The following SYTL2 variants were observed in gnomAD, a reference collection of about 807,000 sequenced individuals.
SYTL2 encodes the protein synaptotagmin like 2, also known as synaptotagmin-like protein 2.
A neutral mutation model predicts 198.7 loss-of-function variants in SYTL2; 165 were observed. The observed-to-expected ratio is 0.83, with a 90% CI of 0.73 to 0.94. SYTL2 has a LOEUF of 0.94. SYTL2 is among the 40% of genes least tolerant of loss of function. The pLI is 0.00. For synonymous variants in SYTL2, 966 were observed against 917.7 expected (o/e 1.05, Z -0.95); for missense variants, 2,835 against 2,582.8 (o/e 1.10, Z -2.12).
In SYTL2 at chr11:85,726,827, G is replaced by C; in HGVS notation, c.2531C>G (p.Thr844Arg). The change falls in exon 8 of 20, where the codon ACA (threonine) becomes AGA (arginine). Residue 844 changes from threonine to arginine, a missense_variant. Transcript: ENST00000359152. ...QGVSSMDSLS[T>R]DQSEYNQAIP... is the part of the protein sequence containing the mutation. The stretch of plus-strand genomic sequence containing the variant: ...GGCCTGATTATATTCACTCTGGTCT[G>C]TAGATAAACTGTCCATGGATGATAC... 1 of 1,536,412 alleles carries C rather than the reference G, an allele frequency of 6.5e-7. No homozygotes were observed. Among genetic ancestry groups the C allele is most frequent in the South Asian group, 1.2e-5 (1 of 84,060 alleles).
chr11:85,794,888 A>C (rs907209425), intron 1 of SYTL2, among the ~76,000 whole-genome samples: 1 of 152,006 alleles, frequency 6.6e-6, no homozygotes, highest in Non-Finnish European at 1.5e-5. Context: ...TTTCTAATAA[A>C]GAAAACCAAG....
chr11:85,738,411 T>C (rs2090524466), intron 4 of SYTL2, among the ~76,000 whole-genome samples: 1 of 152,138 alleles, frequency 6.6e-6, no homozygotes, highest in South Asian at 2.1e-4. Context: ...ACAGCCTGAT[T>C]ACATAGAGGC....
rs549380424 is a variant in SYTL2, at chr11:85,798,226, C to T, written c.-390+12728G>A. Among the ~76,000 whole-genome samples, 8 of 152,224 alleles carry T rather than the reference C, an allele frequency of 5.3e-5. No homozygotes were observed. In the South Asian group the frequency reaches 8.3e-4, roughly 16 times the overall value. On this transcript the variant is annotated intron_variant, in intron 1 of 19. Coordinates refer to ENST00000359152, the MANE Select transcript of SYTL2 (RefSeq NM_206927.4). ...CATTCCCTGTTCATTTTCAAACAAA[C>T]GGATCATCACAGCTTCTGACACTCT... is the stretch of plus-strand genomic sequence containing the variant.
intron 3 of SYTL2, among the ~76,000 whole-genome samples, chr11:85,746,541 A>T (rs762435361): frequency 6.6e-6 from 1 of 152,214 alleles, no homozygotes; most frequent in Non-Finnish European, 1.5e-5. Context: ...CAAAAAGTTC[A>T]AGAAACTTGC....
chr11:85,744,033 A>G (rs900602933), intron 4 of SYTL2, among the ~76,000 whole-genome samples: 3 of 152,118 alleles, frequency 2.0e-5, no homozygotes, highest in Non-Finnish European at 2.9e-5. Context: ...ACAATATTTT[A>G]GGTCTCATCT....
In SYTL2 at chr11:85,734,119, T is replaced by G; in HGVS notation, c.1210A>C (p.Lys404Gln). Residue 404 changes from lysine (K) to glutamine (Q), a missense_variant, in exon 7 of 20, where the codon AAA becomes CAA. Physicochemically the swap from Lys to Gln is moderately conservative, Grantham distance 53 (BLOSUM62 1). Transcript: ENST00000359152. ...HQSTSSPYVSKSETHQPMTSG... is the reference protein window; with the variant it reads ...HQSTSSPYVSQSETHQPMTSG... The stretch of plus-strand genomic sequence containing the variant: ...GTCATTGGCTGATGTGTTTCACTTT[T>G]TGATACATATGGGCTTGAGGTTGAT... 1 of 1,614,226 alleles carries G rather than the reference T, an allele frequency of 6.2e-7. No homozygotes were observed. Among genetic ancestry groups the G allele is most frequent in the Non-Finnish European group, 8.5e-7 (1 of 1,180,026 alleles).
chr11:85,791,209 T>C (rs1316183712), intron 1 of SYTL2, among the ~76,000 whole-genome samples: 1 of 94,828 alleles, frequency 1.1e-5, no homozygotes, highest in African/African-American at 3.9e-5. Flanking sequence ...CCTTAGTAAA[T>C]ATTCTGGCTC....
At chr11:85,704,067 T>C (rs1310365881) in intron 16 of SYTL2, among the ~76,000 whole-genome samples, 1 of 152,104 alleles carries the variant, frequency 6.6e-6, no homozygotes, top group Non-Finnish European at 1.5e-5. Flanking sequence ...TCAATATTTA[T>C]ATTAAGTGCA....
the SYTL2 span, among the ~76,000 whole-genome samples, chr11:85,818,190 A>C: frequency 6.6e-6 from 1 of 152,134 alleles, no homozygotes; most frequent in Non-Finnish European, 1.5e-5. Flanking sequence ...GGCGTGAGCC[A>C]CCGTGCCTGG....
chr11:85,802,097 G>T (rs919273123), intron 1 of SYTL2, among the ~76,000 whole-genome samples: 1 of 150,892 alleles, frequency 6.6e-6, no homozygotes, highest in African/African-American at 2.4e-5. Flanking sequence ...TACAGGCATG[G>T]GCCACCGTGC....
intron 17 of SYTL2, among the ~76,000 whole-genome samples, chr11:85,699,591 A>G (rs1310800348): frequency 6.6e-6 from 1 of 152,138 alleles, no homozygotes; most frequent in African/African-American, 2.4e-5. Flanking sequence ...GGGGCGGTAT[A>G]AACTACATCA....
In SYTL2 at chr11:85,726,510, G is replaced by A. The variant is rs779502881; in HGVS notation, c.2848C>T (p.Pro950Ser). The change falls in exon 8 of 20, where the codon CCT becomes TCT. Residue 950 changes from proline to serine, a missense_variant. This residue lies in a region of SYTL2 where 2,645 missense variants were observed against 2,381.7 expected (regional missense o/e 1.11). Transcript: ENST00000359152. Reference sequence around the variant, plus strand: ...TTGGCATTTGATTCACGAACTAGAGGTCTGTCTTTCTCCAATGGAGCATGT... The same window carrying A: ...TTGGCATTTGATTCACGAACTAGAGATCTGTCTTTCTCCAATGGAGCATGT... ...ERHAPLEKDR[P>S]LVRESNANFK... 1.2e-6 allele frequency: 2 copies of A among 1,605,564 alleles called. No individual in the cohort carries two copies. The highest frequency in any genetic ancestry group is 2.7e-5 in the African/African-American group (2 of 74,900).
chr11:85,849,239 C>A, the SYTL2 span, among the ~76,000 whole-genome samples: 2 of 152,138 alleles, frequency 1.3e-5, no homozygotes, highest in Non-Finnish European at 2.9e-5. Flanking sequence ...ATTTTGGAGG[C>A]TGCCTGTTCA....
the SYTL2 span, among the ~76,000 whole-genome samples, chr11:85,829,278 T>C: frequency 1.3e-5 from 2 of 152,138 alleles, no homozygotes; most frequent in Non-Finnish European, 1.5e-5. Flanking sequence ...CCCATCTTTA[T>C]GTTTATGTGT....
intron 12 of SYTL2, among the ~76,000 whole-genome samples, chr11:85,713,332 C>T (rs181081083): frequency 6.6e-6 from 1 of 152,304 alleles, no homozygotes; most frequent in African/African-American, 2.4e-5. Context: ...CAAACAGTAG[C>T]AGCTAACATT....
chr11:85,846,912 T>C, the SYTL2 span, among the ~76,000 whole-genome samples: 1 of 151,602 alleles, frequency 6.6e-6, no homozygotes, highest in Non-Finnish European at 1.5e-5. Flanking sequence ...TTTTGTATTT[T>C]CAGTAGAGAT....
chr11:85,745,685 G>A lies in SYTL2; in HGVS notation c.341C>T (p.Ala114Val). The change falls in exon 4 of 20, where the codon GCT becomes GTT. Residue 114 changes from alanine to valine, a missense_variant. By Grantham distance (64) the Ala-to-Val change is moderately conservative. Around this residue, in one of 3 missense-constraint regions of SYTL2, gnomAD observed 2,645 missense variants for 2,381.7 expected, o/e 1.11. Coordinates refer to ENST00000359152, the MANE Select transcript of SYTL2 (RefSeq NM_206927.4). ...TTCTTCTGGCTCTTCTACAACGCCA[G>A]CCAGCTCTGGAGGAAGGAAAGCATC... ...NKDAFLPPEL[A>V]GVVEEPEEDA... 6.2e-7 allele frequency: 1 copy of A among 1,613,914 alleles called. No individual in the cohort carries two copies. Among genetic ancestry groups the A allele is most frequent in the Non-Finnish European group, 8.5e-7 (1 of 1,179,844 alleles).
chr11:85,818,546 C>T, the SYTL2 span, among the ~76,000 whole-genome samples: 1 of 152,042 alleles, frequency 6.6e-6, no homozygotes, highest in East Asian at 1.9e-4. Context: ...CAGCAGGTCT[C>T]TTCAACTCTG....
At chr11:85,809,259 T>C (rs1473775924) in intron 1 of SYTL2, among the ~76,000 whole-genome samples, 1 of 152,168 alleles carries the variant, frequency 6.6e-6, no homozygotes, top group Non-Finnish European at 1.5e-5. Flanking sequence ...AATCTTTCAT[T>C]AGACCCCAAA....
Sources: gnomAD v4.1 joint callset for allele counts (sites outside exome capture counted in the v4.1 genomes callset) on GRCh38, gnomAD v4.1.1 for gene constraint, gnomAD v4.1.1 regional missense constraint, MANE v1.5 for transcripts, NCBI Gene and HGNC (gene_info 2026-07-23, HGNC 2026-07-21) for gene names.